Variants in PPP1R13L observed in about 807,000 individuals in gnomAD.
PPP1R13L encodes relA-associated inhibitor.
A neutral mutation model predicts 80.9 loss-of-function variants in PPP1R13L; 50 were observed. The observed-to-expected ratio is 0.62, with a 90% CI of 0.49 to 0.78. The LOEUF (loss-of-function observed/expected upper bound fraction) is 0.78, where lower values mean the gene tolerates loss of function less well. PPP1R13L is among the 30% of genes least tolerant of loss of function. The probability of loss-of-function intolerance (pLI) is 0.00; values close to 1 mark genes in which losing one functional copy is unlikely to be tolerated. For missense variants in PPP1R13L, 1,200 were observed against 1,205.9 expected (o/e 1.00, Z 0.07); for synonymous variants, 602 against 534.3 (o/e 1.13, Z -1.75).
intron 1 of PPP1R13L, among the ~76,000 whole-genome samples, chr19:45,398,592 T>C (rs1973165473): frequency 6.7e-6 from 1 of 150,110 alleles, no homozygotes; most frequent in African/African-American, 2.4e-5. Context: ...TTTCTTTTTT[T>C]TTTTTTTTTT....
At position 45,392,012 on chromosome 19, in the gene PPP1R13L, C is replaced by T. The variant is rs1191819072; in HGVS notation, c.1683G>A (p.Gly561=). 2.6e-6 allele frequency: 4 copies of T among 1,536,764 alleles called. No homozygotes were observed. The highest frequency in any genetic ancestry group is 2.1e-5 in the Admixed American group (1 of 46,524). ...TGATGGGGGACAGCTCTGGCTCCGGCCCCCCGGGCCCTGGCCCCCCATGAC... is the reference window on the plus strand; with the variant it reads ...TGATGGGGGACAGCTCTGGCTCCGGTCCCCCGGGCCCTGGCCCCCCATGAC... ...FHRHGGPGPG[G]PEPELSPITE... The change falls in exon 8 of 13, where the codon GGG becomes GGA. Residue 561 remains glycine, a synonymous_variant. Coordinates refer to ENST00000360957, the MANE Select transcript of PPP1R13L (RefSeq NM_006663.4).
chr19:45,389,636 C>T (rs1972930887), intron 8 of PPP1R13L, among the ~76,000 whole-genome samples: 1 of 151,994 alleles, frequency 6.6e-6, no homozygotes, highest in Admixed American at 6.6e-5. Context: ...ACAGTGAAAC[C>T]CCATCTCTAC....
intron 11 of PPP1R13L, among the ~76,000 whole-genome samples, chr19:45,384,506 T>C (rs1972829558): frequency 6.6e-6 from 1 of 151,942 alleles, no homozygotes; most frequent in Non-Finnish European, 1.5e-5. Flanking sequence ...CACTCCAGCC[T>C]GGGTGACAGA....
Position 45,392,336 on chromosome 19 carries a change from G to C in PPP1R13L, c.1359C>G (p.Pro453=). Residue 453 remains proline, a synonymous_variant, in exon 8 of 13, where the codon CCC becomes CCG. Coordinates refer to ENST00000360957, the MANE Select transcript of PPP1R13L (RefSeq NM_006663.4). ...QQTWPPVNEG[P]PKPPTELEPE... ...GCTCCAGCTCGGTGGGGGGTTTGGG[G>C]GGTCCTAGCCGGAACAAGAGCCCAT... 1 of 1,613,122 alleles carries C rather than the reference G, an allele frequency of 6.2e-7. No homozygotes were observed. Among genetic ancestry groups the C allele is most frequent in the Non-Finnish European group, 8.5e-7 (1 of 1,179,980 alleles).
Position 45,396,619 on chromosome 19 carries a change from G to A in PPP1R13L, c.638C>T (p.Ala213Val). 2.0e-6 allele frequency: 3 copies of A among 1,485,650 alleles called. No individual in the cohort carries two copies. The highest frequency in any genetic ancestry group is 1.4e-5 in the South Asian group (1 of 73,422). 92.0% of individuals were successfully genotyped at this position (1,485,650 alleles called of 1,614,324 possible). Reference protein sequence around the residue: ...SPRPPATAYDAPASAFGSSLL... With the variant: ...SPRPPATAYDVPASAFGSSLL... ...GGAGCTCCCGAAGGCGGACGCTGGCGCGTCGTAGGCTGTGGCAGGGGGGCG... is the reference window on the plus strand; with the variant it reads ...GGAGCTCCCGAAGGCGGACGCTGGCACGTCGTAGGCTGTGGCAGGGGGGCG... The change falls in exon 4 of 13, where the codon GCG becomes GTG. Residue 213 changes from alanine (A) to valine (V), a missense_variant. By Grantham distance (64) the Ala-to-Val change is moderately conservative. Transcript: ENST00000360957. The surrounding 1 kb of genome is among the most constrained non-coding windows in gnomAD (Gnocchi z 5.3).
intron 8 of PPP1R13L, 138 bp from the exon 9 acceptor site, chr19:45,386,318 G>T: frequency 8.9e-7 from 1 of 1,127,808 alleles, no homozygotes; most frequent in Non-Finnish European, 1.2e-6. Context: ...GGGATGGGGT[G>T]AGGGGGTGCC....
chr19:45,395,482 G>A lies in PPP1R13L; in HGVS notation c.1308C>T (p.Thr436=). Residue 436 remains threonine, a synonymous_variant, in exon 7 of 13, where the codon ACC becomes ACT. Transcript: ENST00000360957. ...PQPQTQPQTP[T]PAPQHPQQTW... ...TCTGTTGGGGATGCTGGGGGGCTGG[G>A]GTAGGGGTTTGGGGTTGGGTCTGGG... 1 of 1,487,456 alleles carries A rather than the reference G, an allele frequency of 6.7e-7. No homozygotes were observed. The highest frequency in any genetic ancestry group is 1.4e-5 in the African/African-American group (1 of 72,064). The allele number at this position is 1,487,456 out of a possible 1,614,324, so 92.1% of individuals were successfully genotyped here. A position where few individuals can be genotyped will look rare whatever the true frequency, so the allele number is the denominator to read the frequency against.
intron 12 of PPP1R13L, among the ~76,000 whole-genome samples, chr19:45,381,222 C>CT (rs61206815): frequency 0.016 from 2,364 of 145,028 alleles, 58 homozygotes; most frequent in African/African-American, 0.055. Context: ...ACCCGGCTAA[C>CT]TTTTTTTTTT....
At position 45,380,163 on chromosome 19, in the gene PPP1R13L, C is replaced by T. The variant is rs1179504689; in HGVS notation, c.*27G>A. 1 of 1,612,724 alleles carries T rather than the reference C, an allele frequency of 6.2e-7. No individual in the cohort carries two copies. On this transcript the variant is annotated 3_prime_UTR_variant, in exon 13 of 13. Coordinates refer to ENST00000360957, the MANE Select transcript of PPP1R13L (RefSeq NM_006663.4). ...GGAAGGCAGGAATGCTTGTTTCTGT[C>T]AGCCTCAGAAACCTCCTTCTATCCT...
chr19:45,400,830 T>G lies in PPP1R13L; in HGVS notation c.-21-2491A>C, dbSNP rs555315450. Among the ~76,000 whole-genome samples the G allele has an allele frequency of 5.0e-4, 17 of 33,792 alleles. 1 individual carries two copies. The African/African-American group carries it at 6.0e-3, about 12-fold the overall frequency. 22.2% of individuals were successfully genotyped at this position (33,792 alleles called of 152,430 possible). A position where few individuals can be genotyped will look rare whatever the true frequency, so the allele number is the denominator to read the frequency against. On this transcript the variant is annotated intron_variant, in intron 1 of 12. Transcript: ENST00000360957. Reference sequence around the variant, plus strand: ...CTTGCTCTGTCGCCCAGGCTGGAGTTCAGTGGCGGGATCTCGGCTCACTGC... The same window carrying G: ...CTTGCTCTGTCGCCCAGGCTGGAGTGCAGTGGCGGGATCTCGGCTCACTGC...
chr19:45,382,411 C>G, intron 12 of PPP1R13L, 116 bp downstream of exon 12: 2 of 1,250,858 alleles, frequency 1.6e-6, no homozygotes, highest in South Asian at 2.9e-5. Context: ...CTTTTCAGAC[C>G]TCCCTCTCCC....
In PPP1R13L at chr19:45,396,891, G is replaced by T; in HGVS notation, c.366C>A (p.Arg122=). Residue 122 remains arginine, a synonymous_variant, in exon 4 of 13, where the codon CGC becomes CGA. Transcript: ENST00000360957. This position sits in a 1 kb window ranked among gnomAD's most constrained non-coding sequence, Gnocchi z 5.3. ...CGTCCGGCTGCAGGTAGAGCGGGGT[G>T]CGCGGCGACGACGGCCGTCCCTTGG... ...LSPKGRPSSP[R]TPLYLQPDAY... 6.6e-7 allele frequency: 1 copy of T among 1,523,516 alleles called. No individual in the cohort carries two copies. The highest frequency in any genetic ancestry group is 8.7e-7 in the Non-Finnish European group (1 of 1,143,292). The allele number at this position is 1,523,516 out of a possible 1,614,324, so 94.4% of individuals were successfully genotyped here. A position where few individuals can be genotyped will look rare whatever the true frequency, so the allele number is the denominator to read the frequency against.
In PPP1R13L at chr19:45,396,906, C is replaced by T. The variant is rs1334990612; in HGVS notation, c.351G>A (p.Arg117=). 1 of 1,508,806 alleles carries T rather than the reference C, an allele frequency of 6.6e-7. No homozygotes were observed. The highest frequency in any genetic ancestry group is 8.8e-7 in the Non-Finnish European group (1 of 1,136,720). The allele number at this position is 1,508,806 out of a possible 1,614,324, so 93.5% of individuals were successfully genotyped here. The part of the protein sequence containing the change: ...HPYSPLSPKG[R]PSSPRTPLYL... ...AGAGCGGGGTGCGCGGCGACGACGGCCGTCCCTTGGGGGACAGCGGGCTGT... is the reference window on the plus strand; with the variant it reads ...AGAGCGGGGTGCGCGGCGACGACGGTCGTCCCTTGGGGGACAGCGGGCTGT... Residue 117 remains arginine (R), a synonymous_variant, in exon 4 of 13, where the codon CGG becomes CGA. Coordinates refer to ENST00000360957, the MANE Select transcript of PPP1R13L (RefSeq NM_006663.4). This position sits in a 1 kb window ranked among gnomAD's most constrained non-coding sequence, Gnocchi z 5.3.
intron 8 of PPP1R13L, 135 bp from the exon 9 acceptor site, chr19:45,386,315 G>A: frequency 8.9e-7 from 1 of 1,129,310 alleles, no homozygotes; most frequent in Non-Finnish European, 1.2e-6. Flanking sequence ...CTCGGGATGG[G>A]GTGAGGGGGT....
At position 45,382,542 on chromosome 19, in the gene PPP1R13L, C is replaced by T. The variant is rs753361779; in HGVS notation, c.2433G>A (p.Pro811=). The T allele has an allele frequency of 2.0e-5, 32 of 1,612,700 alleles. No homozygotes were observed. The highest frequency in any genetic ancestry group is 3.3e-4 in the Middle Eastern group (2 of 6,076). ...CTGGGCTCACCCCGAAGTAGTTCCG[C>T]GGCACGTAGCCCTCCTGGCCGTGCA... is the stretch of plus-strand genomic sequence containing the variant. ...AALHGQEGYV[P]RNYFGLFPRV... The change falls in exon 12 of 13, where the codon CCG becomes CCA. Residue 811 remains proline (P), a synonymous_variant. Transcript: ENST00000360957.
At position 45,396,421 on chromosome 19, in the gene PPP1R13L, C is replaced by G; in HGVS notation, c.728G>C (p.Arg243Pro). The change falls in exon 5 of 13, where the codon CGC (arginine) becomes CCC (proline). Residue 243 changes from arginine (R) to proline (P), a missense_variant. Physicochemically the swap from Arg to Pro is moderately radical, Grantham distance 103. Around this residue, in one of 5 missense-constraint regions of PPP1R13L, gnomAD observed 764 missense variants for 714.5 expected, o/e 1.07. Coordinates refer to ENST00000360957, the MANE Select transcript of PPP1R13L (RefSeq NM_006663.4). The surrounding 1 kb of genome is among the most constrained non-coding windows in gnomAD (Gnocchi z 5.3). ...PLRAQDDLTL[R>P]RRPPKAWNES... Reference sequence around the variant, plus strand: ...GTTCCAGGCTTTCGGAGGCCGCCGGCGCAGCGTCAGGTCGTCTGGGGAGAA... The same window carrying G: ...GTTCCAGGCTTTCGGAGGCCGCCGGGGCAGCGTCAGGTCGTCTGGGGAGAA... 1 of 1,613,906 alleles carries G rather than the reference C, an allele frequency of 6.2e-7. No homozygotes were observed. The highest frequency in any genetic ancestry group is 8.5e-7 in the Non-Finnish European group (1 of 1,179,918).
intron 7 of PPP1R13L, chr19:45,392,893 G>A (rs748153837): frequency 2.7e-5 from 5 of 187,328 alleles, no homozygotes; most frequent in East Asian, 1.6e-4. Flanking sequence ...TGGCTGAGTC[G>A]AGTGGCTCAC....
rs537319636 is a variant in PPP1R13L at position 45,392,160 on chromosome 19, C to T, written c.1535G>A (p.Arg512Gln). 5 of 1,597,296 alleles carry T rather than the reference C, an allele frequency of 3.1e-6. No homozygotes were observed. The highest frequency in any genetic ancestry group is 3.4e-6 in the Non-Finnish European group (4 of 1,170,392). ...QSVPELEEVARVLAEIPRPLK... is the reference protein window; with the variant it reads ...QSVPELEEVAQVLAEIPRPLK... The stretch of plus-strand genomic sequence containing the variant: ...GGGCCGGGGAATTTCCGCCAACACC[C>T]GTGCCACCTCCTCCAGCTCGGGCAC... The change falls in exon 8 of 13, where the codon CGG (arginine) becomes CAG (glutamine). Residue 512 changes from arginine to glutamine, a missense_variant. By Grantham distance (43) the Arg-to-Gln change is conservative (BLOSUM62 1). This residue lies in a region of PPP1R13L where 53 missense variants were observed against 96.5 expected (regional missense o/e 0.55). Transcript: ENST00000360957.
chr19:45,392,431 T>A, intron 7 of PPP1R13L, 91 bp from the exon 8 acceptor site: 1 of 1,321,726 alleles, frequency 7.6e-7, no homozygotes, highest in Non-Finnish European at 1.1e-6. Context: ...AACCAGCACA[T>A]GATTTTCTGT....
Sources: gnomAD v4.1 joint callset for allele counts (sites outside exome capture counted in the v4.1 genomes callset) on GRCh38, gnomAD v4.1.1 for gene constraint, gnomAD v4.1.1 regional missense constraint, Gnocchi (gnomAD v3.1) non-coding constraint, MANE v1.5 for transcripts, NCBI Gene and HGNC (gene_info 2026-07-23, HGNC 2026-07-21) for gene names.